Variants in PRIMA1 observed in about 807,000 individuals in gnomAD.
PRIMA1 encodes proline rich membrane anchor 1.
Under a neutral mutation model 17.5 loss-of-function variants are expected in PRIMA1, and 7 were observed. The ratio of observed to expected loss-of-function variants is 0.40; its 90% CI spans 0.23 to 0.75. The LOEUF is 0.75. PRIMA1 is among the 30% of genes least tolerant of loss of function. The probability of loss-of-function intolerance (pLI) is 0.37; values close to 1 mark genes in which losing one functional copy is unlikely to be tolerated. For synonymous variants in PRIMA1, 97 were observed against 77.9 expected (o/e 1.25, Z -1.29); for missense variants, 200 against 201.8 (o/e 0.99, Z 0.05).
intron 3 of PRIMA1, among the ~76,000 whole-genome samples, chr14:93,752,543 C>G (rs1163710120): frequency 6.6e-6 from 1 of 152,172 alleles, no homozygotes; most frequent in Non-Finnish European, 1.5e-5. Flanking sequence ...AGGGCTGCCC[C>G]GGCTCCAGCC....
At chr14:93,767,136 AG>A (rs1884913364) in intron 3 of PRIMA1, among the ~76,000 whole-genome samples, 1 of 152,214 alleles carries the variant, frequency 6.6e-6, no homozygotes, top group Admixed American at 6.5e-5. Context: ...AAGGCCTTGA[AG>A]GGGGTGGGCA....
At position 93,719,396 on chromosome 14, in the gene PRIMA1, C is replaced by T. The variant is rs929688792; in HGVS notation, c.*2048G>A. ...CTGTGCCCAGCCCCTTCAGGCTGCC[C>T]ACCACTCCATGGTCCCTTAGCCAGG... On this transcript the variant is annotated 3_prime_UTR_variant, in exon 5 of 5. Transcript: ENST00000393140. 6.6e-6 allele frequency: 1 copy of T among 152,314 alleles called. No individual in the cohort carries two copies. The highest frequency in any genetic ancestry group is 1.5e-5 in the Non-Finnish European group (1 of 68,122). 9.4% of individuals were successfully genotyped at this position (152,314 alleles called of 1,614,324 possible).
chr14:93,764,310 CGT>C (rs1359000410), intron 3 of PRIMA1, among the ~76,000 whole-genome samples: 1 of 130,442 alleles, frequency 7.7e-6, no homozygotes, highest in Non-Finnish European at 1.6e-5. Context: ...GCTGAAGAAT[CGT>C]CTCCCATCCC....
chr14:93,754,291 GA>G lies in PRIMA1; in HGVS notation c.230-16922del, dbSNP rs549076801. Among the ~76,000 whole-genome samples the G allele has an allele frequency of 8.9e-4, 135 of 152,262 alleles. 1 individual carries two copies. The highest frequency in any genetic ancestry group is 1.7e-3 in the South Asian group (8 of 4,820). On this transcript the variant is annotated intron_variant, in intron 3 of 4. Coordinates refer to ENST00000393140, the MANE Select transcript of PRIMA1 (RefSeq NM_178013.4). ...TTCACAATCCCAATTGTGGAGTTGGGATTCTGGGACAATCTGACCCCAAAGT... is the reference window on the plus strand; with the variant it reads ...TTCACAATCCCAATTGTGGAGTTGGGTTCTGGGACAATCTGACCCCAAAGT...
intron 2 of PRIMA1, among the ~76,000 whole-genome samples, chr14:93,784,265 C>T (rs1218532546): frequency 6.6e-6 from 1 of 152,230 alleles, no homozygotes; most frequent in South Asian, 2.1e-4. Flanking sequence ...CCACCCTCCT[C>T]TTACCTACCT....
chr14:93,728,571 C>A lies in PRIMA1; in HGVS notation c.360-7025G>T, dbSNP rs556530524. ...TGGGTCTTATCCTGACTGCAGTGGG[C>A]GTCACCTGAAGACTTCTTAAATGGG... On this transcript the variant is annotated intron_variant, in intron 4 of 4. Coordinates refer to ENST00000393140, the MANE Select transcript of PRIMA1 (RefSeq NM_178013.4). Among the ~76,000 whole-genome samples, 4 of 152,202 alleles carry A rather than the reference C, an allele frequency of 2.6e-5. No individual in the cohort carries two copies. The East Asian group carries it at 7.7e-4, about 29-fold the overall frequency.
chr14:93,733,681 A>AT (rs369932439), intron 4 of PRIMA1, among the ~76,000 whole-genome samples: 1 of 152,168 alleles, frequency 6.6e-6, no homozygotes, highest in Non-Finnish European at 1.5e-5. Context: ...GAAAAAAAAA[A>AT]GAGTAGGGTT....
intron 3 of PRIMA1, among the ~76,000 whole-genome samples, chr14:93,770,625 A>G (rs1885031565): frequency 6.6e-6 from 1 of 152,130 alleles, no homozygotes; most frequent in Non-Finnish European, 1.5e-5. Context: ...CTCCTATCAA[A>G]TCGTATGATT....
chr14:93,731,402 G>A (rs2076113851), intron 4 of PRIMA1, among the ~76,000 whole-genome samples: 1 of 152,170 alleles, frequency 6.6e-6, no homozygotes. Context: ...AATGTGACTT[G>A]GGGGAAAAGA....
In PRIMA1 at chr14:93,754,739, A is replaced by T. The variant is rs138281341; in HGVS notation, c.230-17369T>A. 6.6e-3 allele frequency among the ~76,000 whole-genome samples: 1,000 copies of T among 152,292 alleles called. 36 individuals are homozygous for T. The highest frequency in any genetic ancestry group is 0.025 in the East Asian group (130 of 5,182). ...AAATCCAGTGGACATTGAGCCCCTC[A>T]AGAACCCAGTCACTGCCACCCACTC... On this transcript the variant is annotated intron_variant, in intron 3 of 4. Transcript: ENST00000393140.
chr14:93,739,332 A>G (rs1205370689), intron 3 of PRIMA1, among the ~76,000 whole-genome samples: 4 of 152,164 alleles, frequency 2.6e-5, no homozygotes, highest in Non-Finnish European at 5.9e-5. Flanking sequence ...GATTACAGGC[A>G]TGAGCCACTG....
chr14:93,743,848 A>G (rs1156317120), intron 3 of PRIMA1, among the ~76,000 whole-genome samples: 1 of 152,160 alleles, frequency 6.6e-6, no homozygotes, highest in Non-Finnish European at 1.5e-5. Context: ...TCTTGAGGAA[A>G]CTGTCCAGAA....
intron 4 of PRIMA1, among the ~76,000 whole-genome samples, chr14:93,728,423 G>C (rs953468674): frequency 6.6e-6 from 1 of 152,180 alleles, no homozygotes; most frequent in Non-Finnish European, 1.5e-5. Flanking sequence ...GGACAGAGCT[G>C]GGATGGAGGC....
chr14:93,765,476 T>C (rs564322559), intron 3 of PRIMA1, among the ~76,000 whole-genome samples: 10 of 150,044 alleles, frequency 6.7e-5, no homozygotes, highest in African/African-American at 2.2e-4. Flanking sequence ...CTAACTAACC[T>C]TGGCAGAGTG....
At chr14:93,758,846 AC>A (rs1157110255) in intron 3 of PRIMA1, among the ~76,000 whole-genome samples, 1 of 151,716 alleles carries the variant, frequency 6.6e-6, no homozygotes, top group Non-Finnish European at 1.5e-5. Flanking sequence ...CCCACTGTCT[AC>A]CCTCCAGAGG....
At chr14:93,759,521 GTGTGTGTGCATGTGTAT>G (rs2076313783) in intron 3 of PRIMA1, among the ~76,000 whole-genome samples, 1 of 152,116 alleles carries the variant, frequency 6.6e-6, no homozygotes, top group Non-Finnish European at 1.5e-5. Flanking sequence ...GTGTGTGTGC[GTGTGTGTGCATGTGTAT>G]TGTGTGTGCA....
In PRIMA1 at chr14:93,731,370, T is replaced by C. The variant is rs184838521; in HGVS notation, c.359+5871A>G. ...AAACATCAGAAGAAACAGCTAACTG[T>C]TGAAAGTGGTTGCCTCTCAAGAATG... On this transcript the variant is annotated intron_variant, in intron 4 of 4. Coordinates refer to ENST00000393140, the MANE Select transcript of PRIMA1 (RefSeq NM_178013.4). 3.8e-3 allele frequency among the ~76,000 whole-genome samples: 481 copies of C among 127,090 alleles called. 2 individuals carry two copies. The highest frequency in any genetic ancestry group is 0.012 in the African/African-American group (457 of 37,152). The allele number at this position is 127,090 out of a possible 152,430, so 83.4% of individuals were successfully genotyped here. A position where few individuals can be genotyped will look rare whatever the true frequency, so the allele number is the denominator to read the frequency against.
At chr14:93,784,425 C>T (rs1164236131) in intron 2 of PRIMA1, among the ~76,000 whole-genome samples, 1 of 152,134 alleles carries the variant, frequency 6.6e-6, no homozygotes. Context: ...GCCTTGGCTT[C>T]CCGAAGTGTT....
At chr14:93,780,925 T>C (rs1430015708) in intron 2 of PRIMA1, among the ~76,000 whole-genome samples, 1 of 152,214 alleles carries the variant, frequency 6.6e-6, no homozygotes, top group East Asian at 1.9e-4. Flanking sequence ...AAACCAGAAC[T>C]CCACTTTCCC....
Sources: allele counts gnomAD v4.1 joint callset (sites outside exome capture counted in the v4.1 genomes callset), GRCh38; gene constraint gnomAD v4.1.1; transcripts MANE v1.5; gene names NCBI Gene and HGNC (gene_info 2026-07-23, HGNC 2026-07-21).